The following FAM221B variants were observed in gnomAD, a reference collection of about 807,000 sequenced individuals.
FAM221B encodes the protein protein FAM221B.
Under a neutral mutation model 39.8 loss-of-function variants are expected in FAM221B, and 35 were observed. The ratio of observed to expected loss-of-function variants is 0.88; its 90% CI spans 0.67 to 1.17. The LOEUF (loss-of-function observed/expected upper bound fraction) is 1.17, where lower values mean the gene tolerates loss of function less well. FAM221B is among the 50% of genes most tolerant of loss of function. The probability of loss-of-function intolerance (pLI) is 0.00; values close to 1 mark genes in which losing one functional copy is unlikely to be tolerated. For missense variants in FAM221B, 479 were observed against 503.1 expected, an observed-to-expected ratio of 0.95 and a Z score of 0.46; for synonymous variants, 158 against 178.1, an observed-to-expected ratio of 0.89 and a Z score of 0.90.
intron 4 of FAM221B, 115 bp from the exon 5 acceptor site, chr9:35,819,509 TTG>T: frequency 1.0e-6 from 1 of 957,440 alleles, no homozygotes; most frequent in Non-Finnish European, 1.5e-6. Context: ...TTTTTTTTTT[TTG>T]AGATGGAGTT....
At chr9:35,820,090 G>T (rs60531828) in intron 3 of FAM221B, 90 bp from the exon 4 acceptor site, 5 of 852,298 alleles carry the variant, frequency 5.9e-6, no homozygotes, top group South Asian at 3.2e-5. Flanking sequence ...GTGAGGGGGT[G>T]GGGGGAACTT....
Position 35,817,053 on chromosome 9 carries a change from G to C in FAM221B, c.*1416C>G, listed in dbSNP as rs1195868934. 6.6e-6 allele frequency: 1 copy of C among 152,178 alleles called. No individual in the cohort carries two copies. Among genetic ancestry groups the C allele is most frequent in the Non-Finnish European group, 1.5e-5 (1 of 68,034 alleles). The allele number at this position is 152,178 out of a possible 1,614,324, so 9.4% of individuals were successfully genotyped here. ...CACTTTGAAATTAGTTATTTCTTTG[G>C]TTCTCATAGAAAGTAGGCAACACAG... On this transcript the variant is annotated 3_prime_UTR_variant, in exon 7 of 7. Transcript: ENST00000423537.
In FAM221B at chr9:35,825,895, G is replaced by C; in HGVS notation, c.267C>G (p.Thr89=). Reference sequence around the variant, plus strand: ...TGGGACTATCCAATGAAGCCTCATAGGTAGGGGTCTCTGAAGGAGTCTCAG... The same window carrying C: ...TGGGACTATCCAATGAAGCCTCATACGTAGGGGTCTCTGAAGGAGTCTCAG... ...SISETPSETP[T]YEASLDSPIS... Residue 89 remains threonine (T), a synonymous_variant, in exon 2 of 7, where the codon ACC becomes ACG. Coordinates refer to ENST00000423537, the MANE Select transcript of FAM221B (RefSeq NM_001012446.4). The surrounding 1 kb of genome is among the most constrained non-coding windows in gnomAD (Gnocchi z 4.2). 1 of 1,614,154 alleles carries C rather than the reference G, an allele frequency of 6.2e-7. No individual in the cohort carries two copies. Among genetic ancestry groups the C allele is most frequent in the Non-Finnish European group, 8.5e-7 (1 of 1,180,028 alleles).
chr9:35,818,174 GA>G lies in FAM221B; in HGVS notation c.*294del, dbSNP rs1829056654. On this transcript the variant is annotated 3_prime_UTR_variant, in exon 7 of 7. Transcript: ENST00000423537. ...GATCTTCTAATTGCAAAACCCAATGGACACTTTTCAGTCTTTATCTTATTGG... is the reference window on the plus strand; with the variant it reads ...GATCTTCTAATTGCAAAACCCAATGGCACTTTTCAGTCTTTATCTTATTGG... 1 of 427,988 alleles carries G rather than the reference GA, an allele frequency of 2.3e-6. No individual in the cohort carries two copies. Among genetic ancestry groups the G allele is most frequent in the East Asian group, 4.3e-5 (1 of 23,412 alleles). 26.5% of individuals were successfully genotyped at this position (427,988 alleles called of 1,614,324 possible).
At chr9:35,826,613 C>T (rs1829374572) in intron 1 of FAM221B, among the ~76,000 whole-genome samples, 1 of 152,190 alleles carries the variant, frequency 6.6e-6, no homozygotes, top group Non-Finnish European at 1.5e-5. Flanking sequence ...AATGCTGTCA[C>T]ATAAGGCAAG....
At position 35,828,339 on chromosome 9, in the gene FAM221B, ACTACT is replaced by A. The variant is rs1362224580; in HGVS notation, c.-1+119_-1+123del. ...AACAACAACAACAACAACAACTACT[ACTACT>A]ACTACTACTACTACTACTACTACTA... On this transcript the variant is annotated intron_variant, in intron 1 of 6. Transcript: ENST00000423537. This position sits in a 1 kb window ranked among gnomAD's most constrained non-coding sequence, Gnocchi z 4.5. 251 of 151,364 alleles carry A rather than the reference ACTACT, an allele frequency of 1.7e-3. 9 individuals are homozygous for A. Among genetic ancestry groups the A allele is most frequent in the Middle Eastern group, 9.9e-3 (3 of 302 alleles). The allele number at this position is 151,364 out of a possible 1,614,324, so 9.4% of individuals were successfully genotyped here.
In FAM221B at chr9:35,818,278, C is replaced by G. The variant is rs550611253; in HGVS notation, c.*191G>C. The G allele has an allele frequency of 6.5e-4, 391 of 603,232 alleles. No individual in the cohort carries two copies. Among genetic ancestry groups the G allele is most frequent in the Middle Eastern group, 1.7e-3 (5 of 2,948 alleles). 37.4% of individuals were successfully genotyped at this position (603,232 alleles called of 1,614,324 possible). A position where few individuals can be genotyped will look rare whatever the true frequency, so the allele number is the denominator to read the frequency against. Reference sequence around the variant, plus strand: ...TCCCTTCTTGACTTCCTTGAAGCCACTTTCCTTCAACAGGCAGCTTGAATG... The same window carrying G: ...TCCCTTCTTGACTTCCTTGAAGCCAGTTTCCTTCAACAGGCAGCTTGAATG... On this transcript the variant is annotated 3_prime_UTR_variant, in exon 7 of 7. Transcript: ENST00000423537.
At chr9:35,818,647 C>A in intron 6 of FAM221B, 141 bp from the exon 7 acceptor site, 1 of 1,003,338 alleles carries the variant, frequency 1.0e-6, no homozygotes. Flanking sequence ...ATCTGCAGGG[C>A]CTAGAAGTCA....
At position 35,817,885 on chromosome 9, in the gene FAM221B, T is replaced by C. The variant is rs1829052610; in HGVS notation, c.*584A>G. 1 of 153,668 alleles carries C rather than the reference T, an allele frequency of 6.5e-6. No individual in the cohort carries two copies. Among genetic ancestry groups the C allele is most frequent in the Non-Finnish European group, 1.4e-5 (1 of 69,120 alleles). The allele number at this position is 153,668 out of a possible 1,614,324, so 9.5% of individuals were successfully genotyped here. ...TTCACCTCTGCTTTGACCTCATCCC[T>C]TTCCTCCATCTCTGGGATCTTGTCT... On this transcript the variant is annotated 3_prime_UTR_variant, in exon 7 of 7. Transcript: ENST00000423537.
rs1176835351 is a variant in FAM221B, at chr9:35,826,028, G to GA, written c.133dup (p.Ser45PhefsTer2). Reference sequence around the variant, plus strand: ...GGTATGGGGCTCTAACGGGGTCTCAGAGGTGGAAGGCTTCAAGAAGCTTTC... The same window carrying GA: ...GGTATGGGGCTCTAACGGGGTCTCAGAAGGTGGAAGGCTTCAAGAAGCTTTC... On this transcript the variant is annotated frameshift_variant, in exon 2 of 7. Transcript: ENST00000423537. LOFTEE classifies it high-confidence loss of function. 6.2e-7 allele frequency: 1 copy of GA among 1,614,172 alleles called. No individual in the cohort carries two copies. Among genetic ancestry groups the GA allele is most frequent in the African/African-American group, 1.3e-5 (1 of 75,030 alleles).
At position 35,828,377 on chromosome 9, in the gene FAM221B, T is replaced by A. The variant is rs922965706; in HGVS notation, c.-1+86A>T. 248 of 256,504 alleles carry A rather than the reference T, an allele frequency of 9.7e-4. No homozygotes were observed. Among genetic ancestry groups the A allele is most frequent in the Non-Finnish European group, 1.2e-3 (203 of 168,970 alleles). 15.9% of individuals were successfully genotyped at this position (256,504 alleles called of 1,614,324 possible). A position where few individuals can be genotyped will look rare whatever the true frequency, so the allele number is the denominator to read the frequency against. ...CTACTACTACTACTACTACTACTAC[T>A]ACAACAATGTGAAGGGACTGAGGGG... is the stretch of plus-strand genomic sequence containing the variant. On this transcript the variant is annotated intron_variant, in intron 1 of 6. Transcript: ENST00000423537. This position sits in a 1 kb window ranked among gnomAD's most constrained non-coding sequence, Gnocchi z 4.5.
rs922892138 is a variant in FAM221B at position 35,828,187 on chromosome 9, G to A, written c.-1+276C>T. Among the ~76,000 whole-genome samples the A allele has an allele frequency of 6.6e-6, 1 of 152,140 alleles. No homozygotes were observed. Among genetic ancestry groups the A allele is most frequent in the African/African-American group, 2.4e-5 (1 of 41,418 alleles). Reference sequence around the variant, plus strand: ...GGCGCCTGTAGTCCCAGCTACTGGGGAGGCTGAAGCAAGCAAATCACTTGA... The same window carrying A: ...GGCGCCTGTAGTCCCAGCTACTGGGAAGGCTGAAGCAAGCAAATCACTTGA... On this transcript the variant is annotated intron_variant, in intron 1 of 6. Coordinates refer to ENST00000423537, the MANE Select transcript of FAM221B (RefSeq NM_001012446.4). This position sits in a 1 kb window ranked among gnomAD's most constrained non-coding sequence, Gnocchi z 4.5.
chr9:35,817,555 C>T lies in FAM221B; in HGVS notation c.*914G>A, dbSNP rs1372456511. 1 of 152,270 alleles carries T rather than the reference C, an allele frequency of 6.6e-6. No homozygotes were observed. The highest frequency in any genetic ancestry group is 1.5e-5 in the Non-Finnish European group (1 of 68,076). 9.4% of individuals were successfully genotyped at this position (152,270 alleles called of 1,614,324 possible). ...TTAAATATTTGGATTCTCTGCTTCT[C>T]TAACTAGGTTCTCACTTCCAACTGT... On this transcript the variant is annotated 3_prime_UTR_variant, in exon 7 of 7. Transcript: ENST00000423537.
chr9:35,825,715 A>G lies in FAM221B; in HGVS notation c.447T>C (p.Ser149=). Reference sequence around the variant, plus strand: ...AAAGACAGTGTTCTGGAAGGCTCTCAGATTCAGAGAGATGGGTAGACCTCC... The same window carrying G: ...AAAGACAGTGTTCTGGAAGGCTCTCGGATTCAGAGAGATGGGTAGACCTCC... The part of the protein sequence containing the change: ...WTRRSTHLSE[S]ESLPEHCLSG... Residue 149 remains serine (S), a synonymous_variant, in exon 2 of 7, where the codon TCT becomes TCC. Coordinates refer to ENST00000423537, the MANE Select transcript of FAM221B (RefSeq NM_001012446.4). The surrounding 1 kb of genome is among the most constrained non-coding windows in gnomAD (Gnocchi z 4.2). The G allele has an allele frequency of 6.2e-7, 1 of 1,614,214 alleles. No homozygotes were observed. Among genetic ancestry groups the G allele is most frequent in the South Asian group, 1.1e-5 (1 of 91,084 alleles).
At position 35,825,459 on chromosome 9, in the gene FAM221B, C is replaced by T. The variant is rs1829316922; in HGVS notation, c.599-86G>A. 6.3e-7 allele frequency: 1 copy of T among 1,591,618 alleles called. No individual in the cohort carries two copies. Among genetic ancestry groups the T allele is most frequent in the African/African-American group, 1.3e-5 (1 of 74,514 alleles). On this transcript the variant is annotated intron_variant, in intron 2 of 6. Coordinates refer to ENST00000423537, the MANE Select transcript of FAM221B (RefSeq NM_001012446.4). This position sits in a 1 kb window ranked among gnomAD's most constrained non-coding sequence, Gnocchi z 4.2. Reference sequence around the variant, plus strand: ...GGGCCATGTCCAAGAGTAACCCAGTCTCCTCCTCCTGGGGCAAGTCAAGGA... The same window carrying T: ...GGGCCATGTCCAAGAGTAACCCAGTTTCCTCCTCCTGGGGCAAGTCAAGGA...
At chr9:35,818,629 G>A in intron 6 of FAM221B, 123 bp from the exon 7 acceptor site, 1 of 1,083,590 alleles carries the variant, frequency 9.2e-7, no homozygotes, top group South Asian at 1.4e-5. Context: ...AGGCCAGAGG[G>A]CCCCTGTATC....
rs537497131 is a variant in FAM221B at position 35,825,698 on chromosome 9, T to A, written c.464A>T (p.His155Leu). ...CTGGGATGAAGGGCCTGAAAGACAG[T>A]GTTCTGGAAGGCTCTCAGATTCAGA... ...HLSESESLPE[H>L]CLSGPSSQVQ... The change falls in exon 2 of 7, where the codon CAC becomes CTC. Residue 155 changes from histidine (H) to leucine (L), a missense_variant. By Grantham distance (99) the His-to-Leu change is moderately conservative. Transcript: ENST00000423537. This position sits in a 1 kb window ranked among gnomAD's most constrained non-coding sequence, Gnocchi z 4.2. 1.2e-6 allele frequency: 2 copies of A among 1,614,196 alleles called. No homozygotes were observed. Among genetic ancestry groups the A allele is most frequent in the South Asian group, 2.2e-5 (2 of 91,088 alleles).
intron 1 of FAM221B, among the ~76,000 whole-genome samples, chr9:35,827,770 A>G (rs74965995): frequency 0.013 from 1,945 of 152,252 alleles, 41 homozygotes; most frequent in African/African-American, 0.044. Context: ...CTTTACCCCC[A>G]TGTTCCAGAG....
At position 35,825,453 on chromosome 9, in the gene FAM221B, C is replaced by T; in HGVS notation, c.599-80G>A. 1.3e-6 allele frequency: 2 copies of T among 1,597,550 alleles called. No individual in the cohort carries two copies. The highest frequency in any genetic ancestry group is 2.2e-5 in the East Asian group (1 of 44,796). Reference sequence around the variant, plus strand: ...GAGAAGGGGCCATGTCCAAGAGTAACCCAGTCTCCTCCTCCTGGGGCAAGT... The same window carrying T: ...GAGAAGGGGCCATGTCCAAGAGTAATCCAGTCTCCTCCTCCTGGGGCAAGT... On this transcript the variant is annotated intron_variant, in intron 2 of 6. Coordinates refer to ENST00000423537, the MANE Select transcript of FAM221B (RefSeq NM_001012446.4). The surrounding 1 kb of genome is among the most constrained non-coding windows in gnomAD (Gnocchi z 4.2).
Sources: gnomAD v4.1 joint callset for allele counts (sites outside exome capture counted in the v4.1 genomes callset) on GRCh38, gnomAD v4.1.1 for gene constraint, Gnocchi (gnomAD v3.1) non-coding constraint, MANE v1.5 for transcripts, NCBI Gene and HGNC (gene_info 2026-07-23, HGNC 2026-07-21) for gene names.